The following XPO5 variants were observed in gnomAD, a reference collection of about 807,000 sequenced individuals.
XPO5 encodes exportin-5.
Under a neutral mutation model 160.6 loss-of-function variants are expected in XPO5, and 46 were observed. The observed-to-expected ratio is 0.29, with a 90% confidence interval of 0.23 to 0.37. The LOEUF is 0.37. Ranked by LOEUF, XPO5 falls within the 10% of genes least tolerant of loss-of-function variation. The pLI is 1.00. For synonymous variants in XPO5, 537 were observed against 519.3 expected, an observed-to-expected ratio of 1.03 and a Z score of -0.46; for missense variants, 1,090 against 1,463.9, an observed-to-expected ratio of 0.74 and a Z score of 4.17.
rs200225049 is a variant in XPO5, at chr6:43,560,987, T to G, written c.1032A>C (p.Glu344Asp). 17 of 1,613,748 alleles carry G rather than the reference T, an allele frequency of 1.1e-5. No individual in the cohort carries two copies. Among genetic ancestry groups the G allele is most frequent in the Non-Finnish European group, 1.7e-6 (2 of 1,179,804 alleles). ...GGTATTTTCCAAAGTTTGATGGTGT[T>G]TCTACATCAGAATCTGCACCCTGTA... ...CALLGADSDV[E>D]TPSNFGKYLE... The change falls in exon 10 of 32, where the codon GAA becomes GAC. Residue 344 changes from glutamate to aspartate, a missense_variant. Glu to Asp is a conservative substitution (Grantham distance 45). This residue lies in a region of XPO5 where 810 missense variants were observed against 1,139.0 expected (regional missense o/e 0.71). Transcript: ENST00000265351.
intron 23 of XPO5, chr6:43,529,233 CTCCTTA>C: frequency 1.4e-6 from 2 of 1,396,558 alleles, no homozygotes; most frequent in Non-Finnish European, 1.9e-6. Flanking sequence ...CTTCACCATT[CTCCTTA>C]TAATTTCAGG....
At chr6:43,527,445 TGTATTATTA>T in intron 26 of XPO5, 180 bp downstream of exon 26, 1 of 538,874 alleles carries the variant, frequency 1.9e-6, no homozygotes, top group Non-Finnish European at 3.3e-6. Context: ...AGCTAATTTT[TGTATTATTA>T]GTAGAGACAG....
At chr6:43,526,464 T>C (rs1793596664) in intron 27 of XPO5, 2 of 575,850 alleles carry the variant, frequency 3.5e-6, no homozygotes, top group East Asian at 2.9e-5. Flanking sequence ...AGATCACATA[T>C]ATGGTTGGGA....
At chr6:43,570,000 TATC>T (rs1235095363) in intron 5 of XPO5, among the ~76,000 whole-genome samples, 1 of 132,572 alleles carries the variant, frequency 7.5e-6, no homozygotes, top group African/African-American at 2.9e-5. Flanking sequence ...CCGAGATCCC[TATC>T]TTTTTTTTTT....
intron 5 of XPO5, among the ~76,000 whole-genome samples, chr6:43,570,211 T>C (rs1386981040): frequency 2.8e-5 from 4 of 142,682 alleles, no homozygotes; most frequent in East Asian, 2.0e-4. Context: ...ACTTGGGAGG[T>C]TGAGGCAGGA....
At chr6:43,552,507 C>T (rs373033915) in intron 14 of XPO5, among the ~76,000 whole-genome samples, 4 of 152,254 alleles carry the variant, frequency 2.6e-5, no homozygotes, top group South Asian at 4.1e-4. Context: ...CATGCACCAG[C>T]ATGCCCAGTT....
intron 20 of XPO5, among the ~76,000 whole-genome samples, chr6:43,538,176 G>GCT (rs1794469532): frequency 1.1e-5 from 1 of 94,038 alleles, no homozygotes; most frequent in Admixed American, 1.7e-4. Context: ...TTGAAACAGA[G>GCT]ATTTGCTCTG....
At position 43,575,967 on chromosome 6, in the gene XPO5, G is replaced by C; in HGVS notation, c.-103C>G. 1 of 1,195,052 alleles carries C rather than the reference G, an allele frequency of 8.4e-7. No homozygotes were observed. Among genetic ancestry groups the C allele is most frequent in the Non-Finnish European group, 1.2e-6 (1 of 837,952 alleles). The allele number at this position is 1,195,052 out of a possible 1,614,324, so 74.0% of individuals were successfully genotyped here. ...ACCCGTTGGTACCGGGCCGCGGCGG[G>C]CGGCGGGGGTGGGAAGCTGGAGGAG... On this transcript the variant is annotated 5_prime_UTR_variant, in exon 1 of 32. Coordinates refer to ENST00000265351, the MANE Select transcript of XPO5 (RefSeq NM_020750.3).
chr6:43,531,409 C>G (rs1793968373), intron 22 of XPO5, 70 bp downstream of exon 22: 9 of 1,448,834 alleles, frequency 6.2e-6, no homozygotes, highest in Non-Finnish European at 6.8e-6. Flanking sequence ...ATGAAAAGTC[C>G]AACCCATGGA....
chr6:43,523,608 G>T lies in XPO5; in HGVS notation c.*260C>A, dbSNP rs1793337858. On this transcript the variant is annotated 3_prime_UTR_variant, in exon 32 of 32. Coordinates refer to ENST00000265351, the MANE Select transcript of XPO5 (RefSeq NM_020750.3). The stretch of plus-strand genomic sequence containing the variant: ...CTCTGCTCTAGCTTTTCTTGGAAAA[G>T]CCAAATCTCCAAGTAGAATGGGAAC... The T allele has an allele frequency of 4.3e-6, 3 of 697,896 alleles. No individual in the cohort carries two copies. The highest frequency in any genetic ancestry group is 4.2e-5 in the South Asian group (3 of 70,976). 43.2% of individuals were successfully genotyped at this position (697,896 alleles called of 1,614,324 possible). A position where few individuals can be genotyped will look rare whatever the true frequency, so the allele number is the denominator to read the frequency against.
intron 8 of XPO5, among the ~76,000 whole-genome samples, chr6:43,564,665 T>C (rs969845762): frequency 6.6e-6 from 1 of 152,210 alleles, no homozygotes; most frequent in African/African-American, 2.4e-5. Context: ...TGTAGTGGCA[T>C]GATCATGGTT....
intron 3 of XPO5, among the ~76,000 whole-genome samples, chr6:43,571,242 T>G (rs909318186): frequency 6.6e-6 from 1 of 152,222 alleles, no homozygotes; most frequent in Non-Finnish European, 1.5e-5. Context: ...ATGACATCAT[T>G]ATTCTTTACA....
At chr6:43,547,236 C>T in intron 19 of XPO5, 1 of 372,042 alleles carries the variant, frequency 2.7e-6, no homozygotes, top group South Asian at 2.2e-5. Context: ...AATAGCAAAG[C>T]ACTGAAAAAT....
Position 43,529,063 on chromosome 6 carries a change from A to C in XPO5, c.2678-138T>G, listed in dbSNP as rs575564678. 7.8e-5 allele frequency: 86 copies of C among 1,108,240 alleles called. No homozygotes were observed. The African/African-American group carries it at 9.8e-4, about 13-fold the overall frequency. The allele number at this position is 1,108,240 out of a possible 1,614,324, so 68.7% of individuals were successfully genotyped here. A position where few individuals can be genotyped will look rare whatever the true frequency, so the allele number is the denominator to read the frequency against. The stretch of plus-strand genomic sequence containing the variant: ...AAATATCCTGTGTTAACAGTGAAAA[A>C]ATCTTAAAGTTCTTTTCCTAAAATC... On this transcript the variant is annotated intron_variant, in intron 23 of 31. Coordinates refer to ENST00000265351, the MANE Select transcript of XPO5 (RefSeq NM_020750.3).
chr6:43,523,852 T>C lies in XPO5; in HGVS notation c.*16A>G. ...GATGACAAGAAAGGCCGAGGAAGGA[T>C]GCCCAAAAGCTTGATTCAGGGTTCA... On this transcript the variant is annotated 3_prime_UTR_variant, in exon 32 of 32. Coordinates refer to ENST00000265351, the MANE Select transcript of XPO5 (RefSeq NM_020750.3). The C allele has an allele frequency of 6.2e-7, 1 of 1,613,992 alleles. No individual in the cohort carries two copies. Among genetic ancestry groups the C allele is most frequent in the Non-Finnish European group, 8.5e-7 (1 of 1,179,858 alleles).
intron 29 of XPO5, 48 bp from the exon 30 acceptor site, chr6:43,525,016 C>T: frequency 2.5e-6 from 4 of 1,600,126 alleles, no homozygotes; most frequent in Non-Finnish European, 3.4e-6. Flanking sequence ...TCTCTCAAGG[C>T]CTCAGCACCC....
rs764308450 is a variant in XPO5 at position 43,531,546 on chromosome 6, C to T, written c.2473G>A (p.Asp825Asn). The change falls in exon 22 of 32, where the codon GAC becomes AAC. Residue 825 changes from aspartate to asparagine, a missense_variant. Transcript: ENST00000265351. ...AAGACGGTTTTGAAGACAGGAGAGT[C>T]ATTGAGTTCCAAGAGAGGTTGAGGT... ...GLPQPLLELN[D>N]SPVFKTVLER... 1.2e-6 allele frequency: 2 copies of T among 1,613,878 alleles called. No individual in the cohort carries two copies. The highest frequency in any genetic ancestry group is 2.2e-5 in the South Asian group (2 of 91,056).
Position 43,548,957 on chromosome 6 carries a change from A to T in XPO5, c.1861-497T>A, listed in dbSNP as rs1795097378. On this transcript the variant is annotated intron_variant, in intron 17 of 31. Transcript: ENST00000265351. ...GTTGTAGAATTATAGGGGTAAACTTAGTAATCTATATGGCAGAGAACTATT... is the reference window on the plus strand; with the variant it reads ...GTTGTAGAATTATAGGGGTAAACTTTGTAATCTATATGGCAGAGAACTATT... Among the ~76,000 whole-genome samples the T allele has an allele frequency of 2.0e-5, 3 of 152,242 alleles. 1 individual carries two copies. The South Asian group carries it at 6.2e-4, about 32-fold the overall frequency.
intron 14 of XPO5, among the ~76,000 whole-genome samples, chr6:43,552,985 T>C (rs551163190): frequency 2.0e-5 from 3 of 152,214 alleles, no homozygotes; most frequent in Non-Finnish European, 2.9e-5. Flanking sequence ...TTTCCTCTTC[T>C]GTAAGATGTA....
Sources: gnomAD v4.1 joint callset for allele counts (sites outside exome capture counted in the v4.1 genomes callset) on GRCh38, gnomAD v4.1.1 for gene constraint, gnomAD v4.1.1 regional missense constraint, MANE v1.5 for transcripts, NCBI Gene and HGNC (gene_info 2026-07-23, HGNC 2026-07-21) for gene names.